Variants in DOCK3 observed in about 807,000 individuals in gnomAD.
The protein encoded by DOCK3 is dedicator of cytokinesis 3.
In DOCK3, 60 loss-of-function variants were observed where a neutral mutation model predicts 265.6. The observed-to-expected ratio is 0.23, with a 90% CI of 0.18 to 0.28. DOCK3 has a LOEUF of 0.28. Among genes scored for constraint, DOCK3 ranks in the 10% least tolerant of loss-of-function variants. DOCK3 has a pLI of 1.00. For missense variants in DOCK3, 1,981 were observed against 2,594.3 expected, an observed-to-expected ratio of 0.76 and a Z score of 5.14; for synonymous variants, 881 against 938.0, an observed-to-expected ratio of 0.94 and a Z score of 1.11.
At chr3:51,071,635 T>C (rs532158197) in intron 6 of DOCK3, among the ~76,000 whole-genome samples, 13 of 152,332 alleles carry the variant, frequency 8.5e-5, no homozygotes, top group Admixed American at 7.8e-4. Context: ...CAGCTTACGA[T>C]AGTAGATTTT....
rs1307731523 is a variant in DOCK3 at position 50,675,441 on chromosome 3, GGCAGGT to G, written c.37+144_37+149del. 8 of 734,304 alleles carry G rather than the reference GGCAGGT, an allele frequency of 1.1e-5. No individual in the cohort carries two copies. Among genetic ancestry groups the G allele is most frequent in the Non-Finnish European group, 1.4e-5 (8 of 563,762 alleles). 45.5% of individuals were successfully genotyped at this position (734,304 alleles called of 1,614,324 possible). A position where few individuals can be genotyped will look rare whatever the true frequency, so the allele number is the denominator to read the frequency against. On this transcript the variant is annotated intron_variant, in intron 1 of 52. Transcript: ENST00000266037. This position sits in a 1 kb window ranked among gnomAD's most constrained non-coding sequence, Gnocchi z 6.1. Reference sequence around the variant, plus strand: ...CGGCGCGGGGCGAGCGCGGGGTGGGGGCAGGTGCGGGTGCGGGTGCGGGTGCGGGGG... The same window carrying G: ...CGGCGCGGGGCGAGCGCGGGGTGGGGGCGGGTGCGGGTGCGGGTGCGGGGG...
intron 2 of DOCK3, among the ~76,000 whole-genome samples, chr3:50,799,053 G>C (rs1213703954): frequency 6.6e-6 from 1 of 152,016 alleles, no homozygotes; most frequent in Non-Finnish European, 1.5e-5. Context: ...TTAATTTCTG[G>C]GTTGTCTATA....
At chr3:50,684,218 C>T (rs192334058) in intron 1 of DOCK3, among the ~76,000 whole-genome samples, 3 of 152,182 alleles carry the variant, frequency 2.0e-5, no homozygotes, top group East Asian at 1.9e-4. Flanking sequence ...TCTAGTATGT[C>T]ATTTATCCTT....
chr3:51,255,649 C>A (rs1205801626), intron 22 of DOCK3, among the ~76,000 whole-genome samples: 1 of 151,956 alleles, frequency 6.6e-6, no homozygotes, highest in Non-Finnish European at 1.5e-5. Context: ...TCCAGTTGAT[C>A]GAATCGGCTA....
intron 1 of DOCK3, among the ~76,000 whole-genome samples, chr3:50,761,088 T>A (rs1225652945): frequency 6.7e-6 from 1 of 149,790 alleles, no homozygotes. Context: ...ATGGATTCTT[T>A]ATTAAAAAAA....
intron 12 of DOCK3, among the ~76,000 whole-genome samples, chr3:51,198,969 G>T (rs769099947): frequency 1.3e-5 from 2 of 152,088 alleles, no homozygotes; most frequent in Non-Finnish European, 2.9e-5. Flanking sequence ...GGTGGAGGTT[G>T]CAGTGACCCG....
intron 2 of DOCK3, among the ~76,000 whole-genome samples, chr3:50,780,799 T>G (rs778553117): frequency 6.6e-6 from 1 of 152,178 alleles, no homozygotes; most frequent in Non-Finnish European, 1.5e-5. Context: ...AGTTGTAATT[T>G]TGTATCCTTT....
chr3:51,283,997 C>A (rs1184675299), intron 27 of DOCK3, among the ~76,000 whole-genome samples: 1 of 151,754 alleles, frequency 6.6e-6, no homozygotes, highest in Non-Finnish European at 1.5e-5. Flanking sequence ...TACACACTTA[C>A]ATTCGTGAGT....
intron 5 of DOCK3, among the ~76,000 whole-genome samples, chr3:51,045,284 G>A (rs2080725066): frequency 6.6e-6 from 1 of 152,084 alleles, no homozygotes. Context: ...TGAGGAGAGG[G>A]AAAGAGATAG....
chr3:51,151,322 A>C (rs976349246), intron 10 of DOCK3, among the ~76,000 whole-genome samples: 1 of 152,090 alleles, frequency 6.6e-6, no homozygotes, highest in Non-Finnish European at 1.5e-5. Flanking sequence ...TTTAAGGTCA[A>C]TATTGTTATG....
At chr3:50,853,261 A>G (rs1197283335) in intron 3 of DOCK3, among the ~76,000 whole-genome samples, 1 of 151,864 alleles carries the variant, frequency 6.6e-6, no homozygotes, top group Non-Finnish European at 1.5e-5. Context: ...GCTCTCACAT[A>G]AGAGTAAGAA....
chr3:51,218,831 TA>T (rs2089938819), intron 14 of DOCK3, among the ~76,000 whole-genome samples: 1 of 152,158 alleles, frequency 6.6e-6, no homozygotes, highest in Admixed American at 6.5e-5. Context: ...GCAAGGCCCA[TA>T]AAACACAGAT....
intron 14 of DOCK3, among the ~76,000 whole-genome samples, chr3:51,216,663 C>T (rs779355018): frequency 1.2e-4 from 18 of 152,184 alleles, no homozygotes; most frequent in Non-Finnish European, 2.4e-4. Flanking sequence ...CTTGCATTTC[C>T]CCCTTAATAT....
chr3:50,683,215 T>C (rs1376090489), intron 1 of DOCK3, among the ~76,000 whole-genome samples: 4 of 152,228 alleles, frequency 2.6e-5, no homozygotes, highest in African/African-American at 9.6e-5. Flanking sequence ...TGAACTTGTG[T>C]GATTGATATT....
At chr3:51,290,580 G>A (rs9683267) in intron 27 of DOCK3, among the ~76,000 whole-genome samples, 138,708 of 152,064 alleles carry the variant, frequency 0.91, 63,401 homozygotes, top group African/African-American at 0.96. Context: ...GATATACCTA[G>A]TGTAAATGAC....
At chr3:50,695,494 A>T (rs1181982021) in intron 1 of DOCK3, among the ~76,000 whole-genome samples, 2 of 152,202 alleles carry the variant, frequency 1.3e-5, no homozygotes, top group East Asian at 1.9e-4. Context: ...ACCCAGTCAG[A>T]TGTAAGAGGC....
chr3:51,055,417 T>C (rs1350379680), intron 5 of DOCK3, among the ~76,000 whole-genome samples: 3 of 152,214 alleles, frequency 2.0e-5, no homozygotes, highest in Non-Finnish European at 4.4e-5. Context: ...AGGGCTTTTT[T>C]AGTTTTCTAT....
chr3:50,806,628 CT>C (rs1181201105), intron 2 of DOCK3, among the ~76,000 whole-genome samples: 4 of 152,070 alleles, frequency 2.6e-5, no homozygotes, highest in South Asian at 2.1e-4. Flanking sequence ...GGTTTCCCTG[CT>C]GTGCAGGACT....
intron 32 of DOCK3, among the ~76,000 whole-genome samples, chr3:51,318,936 G>A (rs1047251536): frequency 2.6e-5 from 4 of 151,794 alleles, no homozygotes; most frequent in Admixed American, 2.0e-4. Flanking sequence ...TTACTTATTA[G>A]TTCTGGAAGC....
Sources: allele counts gnomAD v4.1 joint callset (sites outside exome capture counted in the v4.1 genomes callset), GRCh38; gene constraint gnomAD v4.1.1; non-coding constraint Gnocchi (gnomAD v3.1); transcripts MANE v1.5; gene names NCBI Gene and HGNC (gene_info 2026-07-23, HGNC 2026-07-21).